EYS: variants seen among roughly 807,000 people sequenced by gnomAD.
EYS encodes protein eyes shut homolog.
EYS carries 250 observed loss-of-function variants against 282.1 expected under a neutral mutation model. The observed-to-expected ratio is 0.89, with a 90% confidence interval of 0.80 to 0.98. EYS has a LOEUF of 0.98. Ranked by LOEUF, EYS falls within the 50% of genes least tolerant of loss-of-function variation. EYS has a pLI of 0.00. For missense variants in EYS, 4,016 were observed against 3,709.0 expected (o/e 1.08, Z -2.15); for synonymous variants, 1,355 against 1,282.9 (o/e 1.06, Z -1.20).
intron 28 of EYS, among the ~76,000 whole-genome samples, chr6:64,435,290 T>A (rs752631974): frequency 1.3e-5 from 2 of 151,982 alleles, no homozygotes; most frequent in Non-Finnish European, 2.9e-5. Context: ...ATTTATTTGA[T>A]GATACATTAT....
At chr6:65,097,356 G>A (rs1214418553) in intron 12 of EYS, among the ~76,000 whole-genome samples, 1 of 150,374 alleles carries the variant, frequency 6.7e-6, no homozygotes, top group Admixed American at 6.7e-5. Flanking sequence ...AAGTATTGGT[G>A]AGGATGTAGT....
chr6:63,795,641 C>T (rs142627762), intron 37 of EYS, among the ~76,000 whole-genome samples: 113 of 152,084 alleles, frequency 7.4e-4, no homozygotes, highest in Middle Eastern at 3.4e-3. Flanking sequence ...AGGATTTTTC[C>T]GTAGGTGGTT....
chr6:65,279,849 T>C (rs1324586056), intron 12 of EYS, among the ~76,000 whole-genome samples: 2 of 152,176 alleles, frequency 1.3e-5, no homozygotes, highest in Non-Finnish European at 2.9e-5. Context: ...GTTCATTCTT[T>C]TCCCAACATG....
chr6:63,825,913 A>G (rs573611838), intron 36 of EYS, among the ~76,000 whole-genome samples: 1 of 152,224 alleles, frequency 6.6e-6, no homozygotes, highest in Non-Finnish European at 1.5e-5. Context: ...GATAGTTGAA[A>G]AAGAATTCAG....
Position 64,593,294 on chromosome 6 carries a change from GC to G in EYS, c.3699del (p.Leu1234PhefsTer7), listed in dbSNP as rs1318739667. 4.5e-6 allele frequency: 7 copies of G among 1,549,526 alleles called. No homozygotes were observed. ...CTCCTTATTTCATCACCACAAAGAA[GC>G]CCAATGGAGCAGGTCTGCAAATGAC... ...CTPGFMTCSI[G>X]LLCGDEIRRI... On this transcript the variant is annotated frameshift_variant, in exon 25 of 43. Coordinates refer to ENST00000503581, the MANE Select transcript of EYS (RefSeq NM_001142800.2). LOFTEE classifies it high-confidence loss of function.
chr6:65,423,612 A>G (rs1767549581), intron 5 of EYS, among the ~76,000 whole-genome samples: 1 of 151,742 alleles, frequency 6.6e-6, no homozygotes. Flanking sequence ...CACATTATAA[A>G]CCTCTGGCTT....
At chr6:65,299,230 T>C (rs1158025977) in intron 11 of EYS, among the ~76,000 whole-genome samples, 1 of 152,194 alleles carries the variant, frequency 6.6e-6, no homozygotes, top group African/African-American at 2.4e-5. Context: ...AATTCATGAA[T>C]TGCACTTTTT....
At chr6:65,415,250 G>A (rs1041127403) in intron 5 of EYS, among the ~76,000 whole-genome samples, 3 of 151,960 alleles carry the variant, frequency 2.0e-5, no homozygotes, top group Admixed American at 6.6e-5. Flanking sequence ...TTCAAAGGAT[G>A]GTCCCTTAAC....
intron 24 of EYS, among the ~76,000 whole-genome samples, chr6:64,594,689 T>G: frequency 1.1e-5 from 1 of 89,864 alleles, no homozygotes; most frequent in Admixed American, 1.5e-4. Flanking sequence ...CGGGGACTGT[T>G]GTGGGGTGGG....
At chr6:65,650,677 G>A (rs546311691) in intron 1 of EYS, among the ~76,000 whole-genome samples, 53 of 152,070 alleles carry the variant, frequency 3.5e-4, no homozygotes, top group Non-Finnish European at 5.4e-4. Context: ...ATTTACAAGC[G>A]TTTCGGGAGG....
intron 22 of EYS, among the ~76,000 whole-genome samples, chr6:64,634,649 A>G (rs1287345166): frequency 6.6e-6 from 1 of 152,132 alleles, no homozygotes; most frequent in Non-Finnish European, 1.5e-5. Flanking sequence ...GGATGAGATG[A>G]AAAGCATTAA....
chr6:65,038,408 G>C (rs1322990009), intron 13 of EYS, among the ~76,000 whole-genome samples: 1 of 151,266 alleles, frequency 6.6e-6, no homozygotes, highest in Non-Finnish European at 1.5e-5. Context: ...TCTTATGTCA[G>C]TAGTTTGATC....
At chr6:64,534,316 C>A (rs1764451733) in intron 26 of EYS, among the ~76,000 whole-genome samples, 1 of 151,428 alleles carries the variant, frequency 6.6e-6, no homozygotes, top group Admixed American at 6.6e-5. Flanking sequence ...TTTTACTTTT[C>A]TTGGTTTTCT....
chr6:64,913,299 G>A (rs981458280), intron 15 of EYS, among the ~76,000 whole-genome samples: 48 of 151,988 alleles, frequency 3.2e-4, no homozygotes, highest in African/African-American at 1.1e-3. Context: ...GTGCAGGTTT[G>A]TAACACAGAT....
At chr6:63,743,681 A>G (rs1341130095) in intron 41 of EYS, among the ~76,000 whole-genome samples, 2 of 152,212 alleles carry the variant, frequency 1.3e-5, no homozygotes, top group African/African-American at 4.8e-5. Context: ...CAGATTCAGC[A>G]TAGGAAAGTA....
At chr6:65,479,704 G>A (rs769651504) in intron 5 of EYS, among the ~76,000 whole-genome samples, 1 of 152,108 alleles carries the variant, frequency 6.6e-6, no homozygotes, top group Non-Finnish European at 1.5e-5. Flanking sequence ...GACTAAAACT[G>A]TAAGTCTTCT....
intron 26 of EYS, 147 bp from the exon 27 acceptor site, chr6:64,439,499 A>T (rs1451432046): frequency 1.6e-5 from 8 of 490,718 alleles, no homozygotes; most frequent in Non-Finnish European, 2.4e-5. Flanking sequence ...TTTCCTTTGG[A>T]ATAGTCATGG....
intron 26 of EYS, among the ~76,000 whole-genome samples, chr6:64,500,898 C>T (rs574164706): frequency 6.6e-4 from 100 of 152,162 alleles, no homozygotes; most frequent in South Asian, 1.0e-3. Flanking sequence ...GATTGCATAA[C>T]ATTGATTATG....
intron 26 of EYS, among the ~76,000 whole-genome samples, chr6:64,503,488 G>A (rs995557775): frequency 6.6e-6 from 1 of 152,242 alleles, no homozygotes; most frequent in Non-Finnish European, 1.5e-5. Flanking sequence ...AAGTGTTCTG[G>A]TGATTGTTAA....
Sources: gnomAD v4.1 joint callset for allele counts (sites outside exome capture counted in the v4.1 genomes callset) on GRCh38, gnomAD v4.1.1 for gene constraint, MANE v1.5 for transcripts, NCBI Gene and HGNC (gene_info 2026-07-23, HGNC 2026-07-21) for gene names.